The following TNRC6B variants were observed in gnomAD, a reference collection of about 807,000 sequenced individuals.
TNRC6B encodes trinucleotide repeat-containing gene 6B protein.
A neutral mutation model predicts 203.6 loss-of-function variants in TNRC6B; 52 were observed. The ratio of observed to expected loss-of-function variants is 0.26; its 90% confidence interval spans 0.20 to 0.32. TNRC6B has a LOEUF of 0.32. Among genes scored for constraint, TNRC6B ranks in the 10% least tolerant of loss-of-function variants. The pLI, the probability that TNRC6B is intolerant of heterozygous loss-of-function variation, is 1.00. For missense variants in TNRC6B, 1,923 were observed against 2,286.2 expected (o/e 0.84, Z 3.24); for synonymous variants, 838 against 845.7 (o/e 0.99, Z 0.16).
intron 7 of TNRC6B, 100 bp downstream of exon 7, chr22:40,273,700 T>C: frequency 7.5e-7 from 1 of 1,338,882 alleles, no homozygotes; most frequent in South Asian, 1.5e-5. Flanking sequence ...GTTCTCCCTC[T>C]GTCACCCAGA....
At chr22:40,118,901 G>T (rs982403039) in intron 2 of TNRC6B, among the ~76,000 whole-genome samples, 1 of 152,200 alleles carries the variant, frequency 6.6e-6, no homozygotes, top group African/African-American at 2.4e-5. Flanking sequence ...GGAAAGTAGG[G>T]TCTCCCCTTG....
Position 40,266,415 on chromosome 22 carries a change from G to T in TNRC6B, c.2185G>T (p.Asp729Tyr). The T allele has an allele frequency of 6.2e-7, 1 of 1,613,906 alleles. No individual in the cohort carries two copies. The highest frequency in any genetic ancestry group is 8.5e-7 in the Non-Finnish European group (1 of 1,179,856). ...PSSWNENPSK[D>Y]QGWGGGRQPN... Reference sequence around the variant, plus strand: ...CTCTTGGAATGAGAATCCCAGCAAGGATCAGGGGTGGGGAGGTGGACGCCA... The same window carrying T: ...CTCTTGGAATGAGAATCCCAGCAAGTATCAGGGGTGGGGAGGTGGACGCCA... The change falls in exon 5 of 23, where the codon GAT becomes TAT. Residue 729 changes from aspartate (D) to tyrosine (Y), a missense_variant. This residue lies in a region of TNRC6B where 599 missense variants were observed against 656.5 expected (regional missense o/e 0.91). Transcript: ENST00000454349.
At chr22:40,262,279 C>T in intron 4 of TNRC6B, 106 bp downstream of exon 4, 1 of 1,044,018 alleles carries the variant, frequency 9.6e-7, no homozygotes, top group Non-Finnish European at 1.3e-6. Context: ...ATATAAACCA[C>T]TGGGATTAGT....
intron 2 of TNRC6B, among the ~76,000 whole-genome samples, chr22:40,123,643 C>T (rs1352878252): frequency 6.6e-6 from 1 of 152,182 alleles, no homozygotes; most frequent in Non-Finnish European, 1.5e-5. Flanking sequence ...AGTACAGCAC[C>T]AGACCAAGGA....
At chr22:40,304,404 G>A (rs1370054671) in intron 15 of TNRC6B, among the ~76,000 whole-genome samples, 2 of 152,108 alleles carry the variant, frequency 1.3e-5, no homozygotes, top group Non-Finnish European at 2.9e-5. Flanking sequence ...AGAGTGAGAG[G>A]GAGAGGGAGA....
chr22:40,261,700 C>G (rs190327163), intron 3 of TNRC6B, 132 bp from the exon 4 acceptor site: 18 of 770,802 alleles, frequency 2.3e-5, no homozygotes, highest in Non-Finnish European at 3.1e-5. Context: ...CCCTTGAGCC[C>G]GAGTTCAAGA....
At chr22:40,253,761 G>A (rs1396791471) in intron 3 of TNRC6B, 2 of 455,246 alleles carry the variant, frequency 4.4e-6, no homozygotes, top group Non-Finnish European at 8.8e-6. Context: ...TTGGGTCTAG[G>A]TTTACAGCCA....
intron 4 of TNRC6B, among the ~76,000 whole-genome samples, chr22:40,160,724 A>G (rs1385924758): frequency 6.6e-6 from 1 of 151,856 alleles, no homozygotes; most frequent in Non-Finnish European, 1.5e-5. Context: ...TACCAAGCCC[A>G]GATACTTTTT....
intron 22 of TNRC6B, 136 bp from the exon 23 acceptor site, chr22:40,322,718 T>A (rs2071350770): frequency 9.6e-7 from 1 of 1,042,630 alleles, no homozygotes; most frequent in African/African-American, 1.6e-5. Flanking sequence ...GGACTTTGCA[T>A]TCTAAAAAGC....
chr22:40,154,860 A>AAAAAATAT (rs1555885936), intron 3 of TNRC6B, among the ~76,000 whole-genome samples: 6 of 23,586 alleles, frequency 2.5e-4, no homozygotes, highest in African/African-American at 3.3e-4. Context: ...AAAAAAAAAA[A>AAAAAATAT]ATATATATAT....
At chr22:40,114,666 C>A (rs957113613) in intron 1 of TNRC6B, among the ~76,000 whole-genome samples, 1 of 152,088 alleles carries the variant, frequency 6.6e-6, no homozygotes, top group Non-Finnish European at 1.5e-5. Flanking sequence ...TTTAGCAGGA[C>A]CTGGGGATTG....
intron 1 of TNRC6B, among the ~76,000 whole-genome samples, chr22:40,243,770 A>G (rs536212700): frequency 6.6e-6 from 1 of 152,180 alleles, no homozygotes; most frequent in South Asian, 2.1e-4. Context: ...TTTTTAGTAG[A>G]GATGGGGTTT....
intron 1 of TNRC6B, among the ~76,000 whole-genome samples, chr22:40,057,579 C>T (rs980985483): frequency 3.3e-5 from 5 of 152,122 alleles, no homozygotes; most frequent in Admixed American, 1.3e-4. Flanking sequence ...AGCCACCCTG[C>T]CTGGCCCAGA....
chr22:40,311,203 A>G (rs1378394112), intron 17 of TNRC6B, among the ~76,000 whole-genome samples: 1 of 152,212 alleles, frequency 6.6e-6, no homozygotes, highest in Non-Finnish European at 1.5e-5. Flanking sequence ...GTGACATTGT[A>G]GGTGGGACTT....
intron 1 of TNRC6B, among the ~76,000 whole-genome samples, chr22:40,219,428 CA>C (rs2069678333): frequency 6.6e-6 from 1 of 151,906 alleles, no homozygotes; most frequent in East Asian, 1.9e-4. Context: ...GGAGGGTGGA[CA>C]GGAGGCCAGC....
chr22:40,229,511 T>G (rs1181687321), intron 1 of TNRC6B, among the ~76,000 whole-genome samples: 2 of 152,062 alleles, frequency 1.3e-5, no homozygotes, highest in African/African-American at 4.8e-5. Flanking sequence ...TATTGACATT[T>G]ACAATGCGGT....
intron 1 of TNRC6B, among the ~76,000 whole-genome samples, chr22:40,223,931 A>G (rs895295634): frequency 5.9e-5 from 9 of 152,144 alleles, no homozygotes; most frequent in African/African-American, 2.2e-4. Context: ...ACACAAGGTA[A>G]CTGTGTGTTA....
intron 1 of TNRC6B, among the ~76,000 whole-genome samples, chr22:40,192,591 T>C (rs2069288161): frequency 6.6e-6 from 1 of 152,004 alleles, no homozygotes; most frequent in Non-Finnish European, 1.5e-5. Flanking sequence ...CATTCCTGCA[T>C]AGGCAACTGA....
intron 12 of TNRC6B, among the ~76,000 whole-genome samples, chr22:40,299,348 T>G (rs2070992046): frequency 6.6e-6 from 1 of 151,566 alleles, no homozygotes; most frequent in South Asian, 2.1e-4. Context: ...GAGGCAATTC[T>G]CCTGCCTCAG....
Sources: allele counts gnomAD v4.1 joint callset (sites outside exome capture counted in the v4.1 genomes callset), GRCh38; gene constraint gnomAD v4.1.1; regional missense constraint gnomAD v4.1.1; transcripts MANE v1.5; gene names NCBI Gene and HGNC (gene_info 2026-07-23, HGNC 2026-07-21).